WWC2: variants seen among roughly 807,000 people sequenced by gnomAD.
WWC2 encodes the protein protein WWC2.
Under a neutral mutation model 138.5 loss-of-function variants are expected in WWC2, and 101 were observed. That is an observed-to-expected ratio of 0.73 (90% confidence interval 0.62 to 0.86). The LOEUF is 0.86. Ranked by LOEUF, WWC2 falls within the 40% of genes least tolerant of loss-of-function variation. The pLI is 0.00. For synonymous variants in WWC2, 558 were observed against 538.4 expected (o/e 1.04, Z -0.50); for missense variants, 1,420 against 1,419.4 (o/e 1.00, Z -0.01).
chr4:183,257,751 G>T (rs1737193367), intron 9 of WWC2, among the ~76,000 whole-genome samples: 1 of 152,164 alleles, frequency 6.6e-6, no homozygotes, highest in Non-Finnish European at 1.5e-5. Flanking sequence ...CACTAGGAGG[G>T]TTTCTGTGCC....
In WWC2 at chr4:183,170,870, G is replaced by C. The variant is rs564816849; in HGVS notation, c.132-22729G>C. Among the ~76,000 whole-genome samples, 193 of 149,666 alleles carry C rather than the reference G, an allele frequency of 1.3e-3. 4 individuals carry two copies. Among genetic ancestry groups the C allele is most frequent in the Non-Finnish European group, 4.6e-4 (31 of 67,702 alleles). ...AATTTTTTTTTTTTTTTTTAATAGA[G>C]AGTCTCGCTATATTTCCTAGACTGG... On this transcript the variant is annotated intron_variant, in intron 1 of 22. Transcript: ENST00000403733.
chr4:183,131,810 A>G (rs1732934763), intron 1 of WWC2, among the ~76,000 whole-genome samples: 1 of 152,126 alleles, frequency 6.6e-6, no homozygotes, highest in African/African-American at 2.4e-5. Flanking sequence ...TTGTCTTTAT[A>G]TTTGGGTCTT....
At chr4:183,107,411 G>A (rs1055324457) in intron 1 of WWC2, among the ~76,000 whole-genome samples, 3 of 152,176 alleles carry the variant, frequency 2.0e-5, no homozygotes, top group African/African-American at 7.2e-5. Flanking sequence ...GCCTTCCAAA[G>A]TGCTAGGATT....
chr4:183,247,799 A>T (rs1335764758), intron 6 of WWC2, among the ~76,000 whole-genome samples: 65 of 139,258 alleles, frequency 4.7e-4, no homozygotes, highest in African/African-American at 1.6e-3. Context: ...TATATATAGT[A>T]TATAGTATAT....
chr4:183,129,207 C>G (rs1417842898), intron 1 of WWC2, among the ~76,000 whole-genome samples: 1 of 152,002 alleles, frequency 6.6e-6, no homozygotes, highest in Non-Finnish European at 1.5e-5. Context: ...GGTGAAGGGA[C>G]TGGAAATTAT....
intron 21 of WWC2, among the ~76,000 whole-genome samples, chr4:183,301,498 C>A (rs1393658396): frequency 6.6e-6 from 1 of 152,014 alleles, no homozygotes; most frequent in Non-Finnish European, 1.5e-5. Context: ...GAAAAAAAAT[C>A]AAAACTTATT....
intron 1 of WWC2, among the ~76,000 whole-genome samples, chr4:183,153,781 G>A (rs999450456): frequency 2.6e-5 from 4 of 151,374 alleles, no homozygotes; most frequent in Non-Finnish European, 5.9e-5. Context: ...GAGAAACTGG[G>A]ACCACAGGTG....
intron 1 of WWC2, among the ~76,000 whole-genome samples, chr4:183,163,407 G>A (rs1203564336): frequency 6.6e-6 from 1 of 152,066 alleles, no homozygotes; most frequent in African/African-American, 2.4e-5. Flanking sequence ...TAGCCACAGG[G>A]GATAGTAAGA....
intron 4 of WWC2, among the ~76,000 whole-genome samples, chr4:183,231,258 CTTTT>C (rs1192297768): frequency 9.8e-4 from 74 of 75,306 alleles, no homozygotes; most frequent in African/African-American, 4.2e-3. Context: ...ACAGTGAAAG[CTTTT>C]TTTTTTTTTT....
chr4:183,208,906 T>C, intron 3 of WWC2, 43 bp from the exon 4 acceptor site: 1 of 1,339,830 alleles, frequency 7.5e-7, no homozygotes, highest in Non-Finnish European at 1.0e-6. Context: ...GAACTAGTTA[T>C]GCAACTTGTA....
chr4:183,193,861 T>C (rs1384811469), intron 2 of WWC2, among the ~76,000 whole-genome samples, 153 bp downstream of exon 2: 1 of 152,192 alleles, frequency 6.6e-6, no homozygotes, highest in Non-Finnish European at 1.5e-5. Flanking sequence ...GTCTTGGTAT[T>C]TGGGGCATGT....
intron 22 of WWC2, 119 bp from the exon 23 acceptor site, chr4:183,315,544 G>C (rs1299160190): frequency 1.5e-6 from 1 of 668,606 alleles, no homozygotes; most frequent in Non-Finnish European, 2.5e-6. Flanking sequence ...AAGGAAAAGA[G>C]CTTCTACCTG....
rs529297409 is a variant in WWC2, at chr4:183,265,090, T to C, written c.2022T>C (p.Tyr674=). The change falls in exon 12 of 23, where the codon TAT becomes TAC. Residue 674 remains tyrosine (Y), a synonymous_variant. Coordinates refer to ENST00000403733, the MANE Select transcript of WWC2 (RefSeq NM_024949.6). ...DESVAGDSGV[Y]EAFVKQPSEM... ...CTGTGGCTGGAGACAGTGGGGTCTA[T>C]GAAGCTTTCGTGAAACAGTAAGGAT... 7.9e-5 allele frequency: 127 copies of C among 1,608,910 alleles called. No homozygotes were observed. The Middle Eastern group carries it at 1.7e-3, about 21-fold the overall frequency.
At chr4:183,134,507 CCCCT>C (rs1733050750) in intron 1 of WWC2, among the ~76,000 whole-genome samples, 1 of 152,038 alleles carries the variant, frequency 6.6e-6, no homozygotes, top group South Asian at 2.1e-4. Context: ...TTTTCTTTTA[CCCCT>C]AACTATTTAG....
chr4:183,282,862 G>A lies in WWC2; in HGVS notation c.2839G>A (p.Ala947Thr). The change falls in exon 18 of 23, where the codon GCC becomes ACC. Residue 947 changes from alanine to threonine, a missense_variant. Ala to Thr is a moderately conservative substitution (Grantham distance 58, BLOSUM62 0). Transcript: ENST00000403733. ...CGGGAACAGGAAAGAAAGCAACTGTGCCAAAGACCTCAGAAGTCAGCCACC... is the reference window on the plus strand; with the variant it reads ...CGGGAACAGGAAAGAAAGCAACTGTACCAAAGACCTCAGAAGTCAGCCACC... The part of the protein sequence containing the change: ...EDGNRKESNC[A>T]KDLRSQPPTR... 3 of 1,591,916 alleles carry A rather than the reference G, an allele frequency of 1.9e-6. No homozygotes were observed. The highest frequency in any genetic ancestry group is 2.6e-6 in the Non-Finnish European group (3 of 1,168,726).
chr4:183,310,543 C>T lies in WWC2; in HGVS notation c.3385-1798C>T, dbSNP rs141924446. 9.2e-3 allele frequency among the ~76,000 whole-genome samples: 1,400 copies of T among 152,212 alleles called. 19 individuals are homozygous for T. Among genetic ancestry groups the T allele is most frequent in the African/African-American group, 0.032 (1,329 of 41,508 alleles). On this transcript the variant is annotated intron_variant, in intron 21 of 22. Coordinates refer to ENST00000403733, the MANE Select transcript of WWC2 (RefSeq NM_024949.6). Reference sequence around the variant, plus strand: ...TTTGAAACAGGGTCTTGCTCTGTCACGAAGGCTGTAGTGCAGCGGTGATCA... The same window carrying T: ...TTTGAAACAGGGTCTTGCTCTGTCATGAAGGCTGTAGTGCAGCGGTGATCA...
chr4:183,180,072 C>A (rs1424171655), intron 1 of WWC2, among the ~76,000 whole-genome samples: 3 of 152,166 alleles, frequency 2.0e-5, no homozygotes, highest in Admixed American at 6.5e-5. Context: ...GACGTTGAAT[C>A]TTAGAAGAAG....
chr4:183,127,012 T>G (rs537733378), intron 1 of WWC2, among the ~76,000 whole-genome samples: 1 of 151,692 alleles, frequency 6.6e-6, no homozygotes, highest in South Asian at 2.1e-4. Flanking sequence ...GCTGGGATTA[T>G]AGGCATAAGC....
intron 16 of WWC2, among the ~76,000 whole-genome samples, chr4:183,280,068 G>T (rs1376767353): frequency 6.6e-6 from 1 of 151,908 alleles, no homozygotes; most frequent in Non-Finnish European, 1.5e-5. Context: ...GAGAATAACT[G>T]ATATCTTCCT....
Sources: allele counts gnomAD v4.1 joint callset (sites outside exome capture counted in the v4.1 genomes callset), GRCh38; gene constraint gnomAD v4.1.1; transcripts MANE v1.5; gene names NCBI Gene and HGNC (gene_info 2026-07-23, HGNC 2026-07-21).